The following GFOD2 variants were observed in gnomAD, a reference collection of about 807,000 sequenced individuals.
The protein encoded by GFOD2 is glucose-fructose oxidoreductase domain-containing protein 2.
In GFOD2, 9 loss-of-function variants were observed where a neutral mutation model predicts 24.6. The observed-to-expected ratio is 0.37, with a 90% confidence interval of 0.22 to 0.64. The LOEUF is 0.64. GFOD2 is among the 30% of genes least tolerant of loss of function. The probability of loss-of-function intolerance (pLI) is 0.65; values close to 1 mark genes in which losing one functional copy is unlikely to be tolerated. For synonymous variants in GFOD2, 211 were observed against 224.8 expected (o/e 0.94, Z 0.55); for missense variants, 476 against 532.5 (o/e 0.89, Z 1.04).
chr16:67,675,951 C>T lies in GFOD2; in HGVS notation c.362G>A (p.Gly121Glu). 1 of 1,614,206 alleles carries T rather than the reference C, an allele frequency of 6.2e-7. No individual in the cohort carries two copies. Among genetic ancestry groups the T allele is most frequent in the South Asian group, 1.1e-5 (1 of 91,088 alleles). ...GGCAGGCAGGAAGCGCAGCACGTTC[C>T]CTACCAGGCTCATGAGCTGCGGGTA... ...RYYPQLMSLVGNVLRFLPAFV... is the reference protein window; with the variant it reads ...RYYPQLMSLVENVLRFLPAFV... The change falls in exon 3 of 3, where the codon GGG becomes GAG. Residue 121 changes from glycine (G) to glutamate (E), a missense_variant. Coordinates refer to ENST00000268797, the MANE Select transcript of GFOD2 (RefSeq NM_030819.4).
At position 67,715,823 on chromosome 16, in the gene GFOD2, C is replaced by A. The variant is rs180993863; in HGVS notation, c.-88+3340G>T. On this transcript the variant is annotated intron_variant, in intron 1 of 2. Transcript: ENST00000268797. ...AGAATTGGACCCCCTGTTATAGAGA[C>A]CCCCATCTCTACAAAAAAAAAAAAA... Among the ~76,000 whole-genome samples the A allele has an allele frequency of 1.1e-3, 168 of 151,380 alleles. 1 individual carries two copies. Among genetic ancestry groups the A allele is most frequent in the African/African-American group, 4.1e-3 (168 of 41,024 alleles).
chr16:67,714,619 A>G (rs1009585374), intron 1 of GFOD2, among the ~76,000 whole-genome samples: 2 of 152,164 alleles, frequency 1.3e-5, no homozygotes, highest in African/African-American at 4.8e-5. Context: ...GCCAAGTAGA[A>G]GTGTTTTGGG....
chr16:67,709,660 G>C lies in GFOD2; in HGVS notation c.-88+9503C>G, dbSNP rs530109506. Among the ~76,000 whole-genome samples the C allele has an allele frequency of 1.1e-3, 175 of 152,288 alleles. 3 individuals carry two copies. In the South Asian group the frequency reaches 0.013, roughly 11 times the overall value. ...TAATGGAGTCTCACTCTGTCACCAG[G>C]CTGGAGTGCAGTGGCATGATCTCAG... On this transcript the variant is annotated intron_variant, in intron 1 of 2. Coordinates refer to ENST00000268797, the MANE Select transcript of GFOD2 (RefSeq NM_030819.4).
intron 2 of GFOD2, chr16:67,684,644 C>T (rs185444352): frequency 2.8e-5 from 17 of 598,636 alleles, no homozygotes; most frequent in East Asian, 1.4e-4. Flanking sequence ...TGCAGTGAGC[C>T]GGGATTGCGC....
chr16:67,710,166 G>A (rs2053463590), intron 1 of GFOD2, among the ~76,000 whole-genome samples: 1 of 151,458 alleles, frequency 6.6e-6, no homozygotes, highest in Admixed American at 6.6e-5. Flanking sequence ...TGCTCTGTTG[G>A]TCAGGCCGGA....
At chr16:67,703,434 G>GA (rs146965632) in intron 1 of GFOD2, among the ~76,000 whole-genome samples, 10,283 of 150,292 alleles carry the variant, frequency 0.068, 526 homozygotes, top group Middle Eastern at 0.18. Flanking sequence ...AAACAAAAAG[G>GA]AAAAAAAAAC....
rs1381865066 is a variant in GFOD2, at chr16:67,676,071, C to T, written c.260-18G>A. The T allele has an allele frequency of 4.5e-6, 7 of 1,566,204 alleles. No individual in the cohort carries two copies. Among genetic ancestry groups the T allele is most frequent in the Non-Finnish European group, 6.1e-6 (7 of 1,151,660 alleles). ...CCCAATACCTAACAACAGGACACAA[C>T]AGGAAATCTCAAAGTTTCAAGGGGG... On this transcript the variant is annotated intron_variant, in intron 2 of 2. Coordinates refer to ENST00000268797, the MANE Select transcript of GFOD2 (RefSeq NM_030819.4).
At chr16:67,706,575 A>G (rs2053440764) in intron 1 of GFOD2, among the ~76,000 whole-genome samples, 1 of 152,234 alleles carries the variant, frequency 6.6e-6, no homozygotes, top group African/African-American at 2.4e-5. Context: ...TCAAAGACCT[A>G]AATGTAGAAG....
In GFOD2 at chr16:67,710,388, C is replaced by T. The variant is rs184349162; in HGVS notation, c.-88+8775G>A. Among the ~76,000 whole-genome samples the T allele has an allele frequency of 7.7e-3, 1,090 of 141,136 alleles. 9 individuals are homozygous for T. The highest frequency in any genetic ancestry group is 0.013 in the Non-Finnish European group (860 of 65,520). The allele number at this position is 141,136 out of a possible 152,430, so 92.6% of individuals were successfully genotyped here. ...GCCCGCCTTGGCCTCCCAAAGTTAG[C>T]CTTTGTTTTTTGAGACGAAGTGGAG... On this transcript the variant is annotated intron_variant, in intron 1 of 2. Coordinates refer to ENST00000268797, the MANE Select transcript of GFOD2 (RefSeq NM_030819.4).
intron 1 of GFOD2, 116 bp downstream of exon 1, chr16:67,719,047 C>G (rs150846682): frequency 0.018 from 2,696 of 152,378 alleles, 30 homozygotes; most frequent in Non-Finnish European, 0.028. Context: ...CCCGGCTCTG[C>G]GGGTCCACGC....
chr16:67,689,419 C>T (rs186281182), intron 1 of GFOD2, among the ~76,000 whole-genome samples: 7 of 151,470 alleles, frequency 4.6e-5, no homozygotes, highest in Non-Finnish European at 7.4e-5. Context: ...GCCTGTAATC[C>T]CAGCACTTTG....
At chr16:67,685,006 G>A in intron 2 of GFOD2, 3 of 1,038,084 alleles carry the variant, frequency 2.9e-6, no homozygotes, top group Non-Finnish European at 3.5e-6. Context: ...GGCAGGAAGG[G>A]TGTGTGCTCA....
intron 2 of GFOD2, chr16:67,682,855 T>C (rs1022626940): frequency 2.0e-6 from 2 of 984,504 alleles, no homozygotes; most frequent in Non-Finnish European, 1.2e-6. Context: ...ATTGGATCAG[T>C]GGCTCTCAAT....
At chr16:67,707,108 C>A (rs1005437008) in intron 1 of GFOD2, among the ~76,000 whole-genome samples, 2 of 150,600 alleles carry the variant, frequency 1.3e-5, no homozygotes, top group Non-Finnish European at 3.0e-5. Context: ...CCTGTAATCC[C>A]AGCACTGTGG....
At chr16:67,716,435 G>A (rs146407847) in intron 1 of GFOD2, among the ~76,000 whole-genome samples, 2 of 152,264 alleles carry the variant, frequency 1.3e-5, no homozygotes, top group East Asian at 3.9e-4. Flanking sequence ...CTGAAAACAA[G>A]TGTTTTTCTG....
chr16:67,702,068 T>C (rs966198842), intron 1 of GFOD2, among the ~76,000 whole-genome samples: 2 of 152,320 alleles, frequency 1.3e-5, no homozygotes, highest in East Asian at 3.9e-4. Flanking sequence ...AATAGTTCTA[T>C]GGGTATGACA....
At chr16:67,685,117 C>G in intron 2 of GFOD2, 1 of 1,303,488 alleles carries the variant, frequency 7.7e-7, no homozygotes. Context: ...AACAAACACA[C>G]TAGTCACAAC....
intron 1 of GFOD2, among the ~76,000 whole-genome samples, chr16:67,700,376 A>C (rs1046026753): frequency 2.7e-5 from 4 of 150,746 alleles, no homozygotes; most frequent in Non-Finnish European, 5.9e-5. Flanking sequence ...CTCCGTCTCA[A>C]AAAAAAAAAA....
At chr16:67,683,962 T>G (rs1168016472) in intron 2 of GFOD2, 8 of 971,016 alleles carry the variant, frequency 8.2e-6, no homozygotes, top group Non-Finnish European at 9.9e-6. Context: ...GTGTGTTATT[T>G]CTAGTTGCCT....
Sources: gnomAD v4.1 joint callset for allele counts (sites outside exome capture counted in the v4.1 genomes callset) on GRCh38, gnomAD v4.1.1 for gene constraint, MANE v1.5 for transcripts, NCBI Gene and HGNC (gene_info 2026-07-23, HGNC 2026-07-21) for gene names.